Variants in MGAT4C observed in about 807,000 individuals in gnomAD.
MGAT4C encodes alpha-1,3-mannosyl-glycoprotein 4-beta-N-acetylglucosaminyltransferase C.
A neutral mutation model predicts 40.1 loss-of-function variants in MGAT4C; 19 were observed. The observed-to-expected ratio is 0.47, with a 90% CI of 0.33 to 0.70. MGAT4C has a LOEUF of 0.70. MGAT4C is among the 30% of genes least tolerant of loss of function. The probability of loss-of-function intolerance (pLI) is 0.02; values close to 1 mark genes in which losing one functional copy is unlikely to be tolerated. For missense variants in MGAT4C, 491 were observed against 563.2 expected, an observed-to-expected ratio of 0.87 and a Z score of 1.30; for synonymous variants, 181 against 187.1, an observed-to-expected ratio of 0.97 and a Z score of 0.27.
chr12:86,028,951 A>T (rs1890488395), intron 2 of MGAT4C, among the ~76,000 whole-genome samples: 1 of 151,976 alleles, frequency 6.6e-6, no homozygotes, highest in African/African-American at 2.4e-5. Context: ...AAACTGGAGT[A>T]GTATGCACTG....
chr12:86,258,357 G>A (rs576013177), upstream of MGAT4C, among the ~76,000 whole-genome samples: 1 of 151,388 alleles, frequency 6.6e-6, no homozygotes, highest in East Asian at 1.9e-4. Context: ...AATTTTTAAA[G>A]ACAAATGTAT....
intron 2 of MGAT4C, among the ~76,000 whole-genome samples, chr12:86,693,048 C>CA (rs60614904): frequency 0.87 from 132,335 of 152,026 alleles, 58,399 homozygotes; most frequent in Middle Eastern, 0.95. Context: ...CTGATTGGAT[C>CA]GCCATTAGAT....
At chr12:86,279,640 T>C (rs1465070811) in intron 4 of MGAT4C, among the ~76,000 whole-genome samples, 1 of 142,636 alleles carries the variant, frequency 7.0e-6, no homozygotes, top group African/African-American at 2.5e-5. Context: ...TTTAATTTTA[T>C]TTATTTCTGC....
intron 1 of MGAT4C, among the ~76,000 whole-genome samples, chr12:86,161,492 T>A (rs775688834): frequency 1.1e-4 from 17 of 152,220 alleles, no homozygotes; most frequent in Admixed American, 5.9e-4. Flanking sequence ...TTTCACCATA[T>A]ACAAAAATTA....
chr12:86,639,002 C>A (rs1210397586), intron 2 of MGAT4C, among the ~76,000 whole-genome samples: 2 of 151,698 alleles, frequency 1.3e-5, no homozygotes, highest in African/African-American at 4.8e-5. Flanking sequence ...AATAATATTT[C>A]TATCTATTGG....
chr12:86,073,743 C>T (rs953470180), intron 1 of MGAT4C, among the ~76,000 whole-genome samples: 4 of 152,132 alleles, frequency 2.6e-5, no homozygotes, highest in African/African-American at 7.2e-5. Flanking sequence ...CCCATACCCC[C>T]CATTGTACCT....
intron 1 of MGAT4C, among the ~76,000 whole-genome samples, chr12:86,217,534 G>A (rs1325136018): frequency 6.6e-6 from 1 of 152,160 alleles, no homozygotes; most frequent in East Asian, 1.9e-4. Flanking sequence ...ATTGTACTAT[G>A]AGAAAGCACA....
chr12:86,374,138 C>T (rs1324192630), intron 3 of MGAT4C, among the ~76,000 whole-genome samples: 1 of 151,798 alleles, frequency 6.6e-6, no homozygotes, highest in Non-Finnish European at 1.5e-5. Context: ...TGAGCAAAAA[C>T]AGACATGAAA....
chr12:86,411,347 G>A (rs1956601009), intron 3 of MGAT4C, among the ~76,000 whole-genome samples: 1 of 152,296 alleles, frequency 6.6e-6, no homozygotes. Flanking sequence ...TAGTGATATG[G>A]ATAGTGAAGC....
At chr12:86,090,398 T>C (rs192036888) in intron 1 of MGAT4C, among the ~76,000 whole-genome samples, 20 of 151,882 alleles carry the variant, frequency 1.3e-4, no homozygotes, top group Admixed American at 1.1e-3. Flanking sequence ...GTGGAGCAGG[T>C]CTTCTAGTAA....
intron 2 of MGAT4C, among the ~76,000 whole-genome samples, chr12:86,524,719 T>G (rs1285129045): frequency 6.6e-6 from 1 of 152,180 alleles, no homozygotes; most frequent in South Asian, 2.1e-4. Context: ...GTCTTACATT[T>G]GGTATCTTTA....
At chr12:86,389,134 C>T (rs1956118189) in intron 3 of MGAT4C, among the ~76,000 whole-genome samples, 1 of 152,112 alleles carries the variant, frequency 6.6e-6, no homozygotes, top group African/African-American at 2.4e-5. Flanking sequence ...CAGATTATTT[C>T]ATCACCCAGG....
chr12:86,556,291 T>C (rs1373505735), intron 2 of MGAT4C, among the ~76,000 whole-genome samples: 6 of 152,226 alleles, frequency 3.9e-5, no homozygotes, highest in Admixed American at 3.3e-4. Context: ...TAAAACTTAA[T>C]ATTTGTTTTA....
At chr12:86,693,135 G>A (rs1950198952) in intron 2 of MGAT4C, among the ~76,000 whole-genome samples, 1 of 152,192 alleles carries the variant, frequency 6.6e-6, no homozygotes, top group Admixed American at 6.5e-5. Context: ...TGAAGGGATT[G>A]ATAGCTGAAG....
intron 4 of MGAT4C, among the ~76,000 whole-genome samples, chr12:86,293,853 T>C (rs1171208968): frequency 1.3e-5 from 2 of 152,166 alleles, no homozygotes; most frequent in African/African-American, 4.8e-5. Context: ...GAAGAAGGCA[T>C]CTGCTTGTCC....
intron 1 of MGAT4C, among the ~76,000 whole-genome samples, chr12:86,757,578 C>T (rs902936785): frequency 4.6e-5 from 7 of 152,024 alleles, no homozygotes; most frequent in African/African-American, 1.5e-4. Flanking sequence ...TTCATGCTAC[C>T]AGAGTGATTT....
chr12:86,549,854 C>A (rs4399378), intron 2 of MGAT4C, among the ~76,000 whole-genome samples: 110,733 of 152,078 alleles, frequency 0.73, 41,798 homozygotes, highest in Middle Eastern at 0.84. Context: ...CACTCTCCCC[C>A]ACTTAGATTG....
At chr12:86,385,216 CACAA>C (rs1355469461) in intron 3 of MGAT4C, among the ~76,000 whole-genome samples, 3 of 152,072 alleles carry the variant, frequency 2.0e-5, no homozygotes, top group Admixed American at 1.3e-4. Context: ...GACATGCTCT[CACAA>C]ACAAATTAAA....
intron 2 of MGAT4C, among the ~76,000 whole-genome samples, chr12:86,449,631 T>C (rs1042080803): frequency 6.6e-6 from 1 of 152,174 alleles, no homozygotes; most frequent in Non-Finnish European, 1.5e-5. Context: ...CACCATAAAA[T>C]AACTAAGTCT....
Sources: allele counts gnomAD v4.1 joint callset (sites outside exome capture counted in the v4.1 genomes callset), GRCh38; gene constraint gnomAD v4.1.1; transcripts MANE v1.5; gene names NCBI Gene and HGNC (gene_info 2026-07-23, HGNC 2026-07-21).